The following XKR9 variants were observed in gnomAD, a reference collection of about 807,000 sequenced individuals.
XKR9 encodes XK-related protein 9.
In XKR9, 32 loss-of-function variants were observed where a neutral mutation model predicts 32.0. The observed-to-expected ratio is 1.00, with a 90% CI of 0.76 to 1.34. XKR9 has a LOEUF of 1.34. Ranked by LOEUF, XKR9 falls within the 40% of genes most tolerant of loss-of-function variation. The probability of loss-of-function intolerance (pLI) is 0.00; values close to 1 mark genes in which losing one functional copy is unlikely to be tolerated. For synonymous variants in XKR9, 168 were observed against 143.4 expected (o/e 1.17, Z -1.22); for missense variants, 546 against 429.7 (o/e 1.27, Z -2.39).
At chr8:70,819,328 T>C in the XKR9 span, among the ~76,000 whole-genome samples, 1 of 152,332 alleles carries the variant, frequency 6.6e-6, no homozygotes, top group Admixed American at 6.5e-5. Flanking sequence ...AGAAAAGATT[T>C]AGTGATATTT....
At chr8:70,822,371 C>T in the XKR9 span, among the ~76,000 whole-genome samples, 2,672 of 151,714 alleles carry the variant, frequency 0.018, 72 homozygotes, top group African/African-American at 0.062. Flanking sequence ...AAGACCTTGT[C>T]GAAATAATTT....
At chr8:70,696,322 CA>C (rs1805274623) in intron 3 of XKR9, among the ~76,000 whole-genome samples, 1 of 152,114 alleles carries the variant, frequency 6.6e-6, no homozygotes, top group Non-Finnish European at 1.5e-5. Context: ...TTAGGCCTAA[CA>C]TGTAAGTCTT....
chr8:70,719,708 G>A (rs1009990227), intron 4 of XKR9, among the ~76,000 whole-genome samples: 1 of 152,100 alleles, frequency 6.6e-6, no homozygotes. Context: ...TTGTAGTATA[G>A]TTTGAAGCCA....
chr8:70,955,158 G>C, the XKR9 span, among the ~76,000 whole-genome samples: 1 of 152,144 alleles, frequency 6.6e-6, no homozygotes, highest in African/African-American at 2.4e-5. Context: ...ACCTCCTTGG[G>C]TTTTATGTGC....
chr8:70,797,316 C>A, the XKR9 span, among the ~76,000 whole-genome samples: 1 of 152,136 alleles, frequency 6.6e-6, no homozygotes, highest in African/African-American at 2.4e-5. Flanking sequence ...ACAAGAAAAG[C>A]AGGAGGATAC....
At chr8:70,733,238 A>G (rs1434911537) in intron 4 of XKR9, among the ~76,000 whole-genome samples, 3 of 152,228 alleles carry the variant, frequency 2.0e-5, no homozygotes, top group Non-Finnish European at 4.4e-5. Context: ...ACTTGTTTCA[A>G]TATCTTCAGG....
chr8:70,765,555 G>T (rs1315810224), intron 2 of XKR9, among the ~76,000 whole-genome samples: 1 of 152,034 alleles, frequency 6.6e-6, no homozygotes, highest in African/African-American at 2.4e-5. Flanking sequence ...TCGCTTTCCT[G>T]TTCTGTAGGT....
At chr8:71,040,945 T>A in the XKR9 span, among the ~76,000 whole-genome samples, 1 of 152,158 alleles carries the variant, frequency 6.6e-6, no homozygotes, top group Non-Finnish European at 1.5e-5. Flanking sequence ...CTTGGTCAGA[T>A]GGTCTGAACA....
chr8:70,982,060 A>G, the XKR9 span, among the ~76,000 whole-genome samples: 2 of 152,188 alleles, frequency 1.3e-5, no homozygotes, highest in Non-Finnish European at 2.9e-5. Flanking sequence ...GAGTGAAGCA[A>G]ACTCTCTGAG....
At chr8:70,851,626 C>T in the XKR9 span, among the ~76,000 whole-genome samples, 4 of 152,252 alleles carry the variant, frequency 2.6e-5, no homozygotes, top group South Asian at 4.1e-4. Flanking sequence ...AGAAAAAACA[C>T]AACACATCTA....
the XKR9 span, among the ~76,000 whole-genome samples, chr8:70,921,172 A>G: frequency 6.6e-6 from 1 of 152,242 alleles, no homozygotes; most frequent in East Asian, 1.9e-4. Context: ...ATAGGAGCAC[A>G]AAAAGAACAA....
chr8:70,745,637 T>A (rs1807048210), intron 2 of XKR9, among the ~76,000 whole-genome samples: 1 of 152,164 alleles, frequency 6.6e-6, no homozygotes, highest in South Asian at 2.1e-4. Flanking sequence ...CCTCCCTTCT[T>A]TGAGAATCCC....
intron 4 of XKR9, among the ~76,000 whole-genome samples, chr8:70,716,847 G>A (rs1030745924): frequency 6.6e-6 from 1 of 152,176 alleles, no homozygotes; most frequent in Admixed American, 6.5e-5. Flanking sequence ...GACGAGGCAA[G>A]TCCCTTCCAC....
the XKR9 span, among the ~76,000 whole-genome samples, chr8:70,829,636 G>T: frequency 6.6e-6 from 1 of 152,082 alleles, no homozygotes; most frequent in African/African-American, 2.4e-5. Flanking sequence ...TTTTAGTAGA[G>T]ACGGGGTTTC....
At position 70,707,157 on chromosome 8, in the gene XKR9, A is replaced by G; in HGVS notation, c.493+4A>G. On this transcript the variant is annotated splice_donor_region_variant and intron_variant, in intron 4 of 4. Transcript: ENST00000408926. ...GGACAAGCGAATTTCAGTCAGTGTAAGTTTTTCTTAACTCCTTGTGTTAAA... is the reference window on the plus strand; with the variant it reads ...GGACAAGCGAATTTCAGTCAGTGTAGGTTTTTCTTAACTCCTTGTGTTAAA... 1 of 1,611,186 alleles carries G rather than the reference A, an allele frequency of 6.2e-7. No homozygotes were observed. Among genetic ancestry groups the G allele is most frequent in the Non-Finnish European group, 8.5e-7 (1 of 1,177,920 alleles).
chr8:70,736,332 A>G (rs1313442539), downstream of XKR9, among the ~76,000 whole-genome samples: 1 of 151,194 alleles, frequency 6.6e-6, no homozygotes, highest in Non-Finnish European at 1.5e-5. Flanking sequence ...TTTTCTTGTA[A>G]ATTTGTTTGA....
the XKR9 span, among the ~76,000 whole-genome samples, chr8:71,035,658 T>A: frequency 2.6e-5 from 4 of 152,308 alleles, no homozygotes; most frequent in African/African-American, 9.6e-5. Context: ...TCAGTAGCAG[T>A]AAACAGTGCT....
chr8:70,867,176 A>T, the XKR9 span, among the ~76,000 whole-genome samples: 150 of 152,324 alleles, frequency 9.8e-4, 1 homozygote, highest in Admixed American at 5.6e-3. Context: ...CAGCAGGCAA[A>T]GAGAAGAGAG....
intron 2 of XKR9, among the ~76,000 whole-genome samples, chr8:70,752,072 G>C (rs1807150286): frequency 6.6e-6 from 1 of 151,934 alleles, no homozygotes; most frequent in South Asian, 2.1e-4. Flanking sequence ...TTTGTCTTTG[G>C]AGACATGATT....
Sources: gnomAD v4.1 joint callset for allele counts (sites outside exome capture counted in the v4.1 genomes callset) on GRCh38, gnomAD v4.1.1 for gene constraint, MANE v1.5 for transcripts, NCBI Gene and HGNC (gene_info 2026-07-23, HGNC 2026-07-21) for gene names.